EXOC6: variants seen among roughly 807,000 people sequenced by gnomAD.
The protein encoded by EXOC6 is SEC15-like 1.
EXOC6 carries 60 observed loss-of-function variants against 112.5 expected under a neutral mutation model. The ratio of observed to expected loss-of-function variants is 0.53; its 90% CI spans 0.43 to 0.66. The LOEUF (loss-of-function observed/expected upper bound fraction) is 0.66, where lower values mean the gene tolerates loss of function less well. EXOC6 is among the 30% of genes least tolerant of loss of function. The pLI, the probability that EXOC6 is intolerant of heterozygous loss-of-function variation, is 0.00. For synonymous variants in EXOC6, 295 were observed against 308.0 expected (o/e 0.96, Z 0.44); for missense variants, 855 against 957.1 (o/e 0.89, Z 1.41).
At chr10:92,865,409 G>A (rs1320073313) in intron 1 of EXOC6, among the ~76,000 whole-genome samples, 3 of 151,996 alleles carry the variant, frequency 2.0e-5, no homozygotes, top group South Asian at 2.1e-4. Flanking sequence ...GGTGGCGTGC[G>A]CCTGTAATCC....
At chr10:93,056,369 A>C (rs1192690808) in intron 20 of EXOC6, among the ~76,000 whole-genome samples, 3 of 152,202 alleles carry the variant, frequency 2.0e-5, no homozygotes, top group Admixed American at 2.0e-4. Context: ...TCATTTCATA[A>C]TACTACAGAG....
chr10:92,878,253 C>CCT (rs1848773951), intron 1 of EXOC6: 1 of 152,184 alleles, frequency 6.6e-6, no homozygotes, highest in Admixed American at 6.6e-5. Flanking sequence ...TTTTCCTTAT[C>CCT]CTCTTCATTG....
chr10:93,033,835 T>G lies in EXOC6; in HGVS notation c.2169+19568T>G, dbSNP rs1211101496. Among the ~76,000 whole-genome samples the G allele has an allele frequency of 3.9e-5, 6 of 152,206 alleles. No individual in the cohort carries two copies. The South Asian group carries it at 6.2e-4, about 16-fold the overall frequency. On this transcript the variant is annotated intron_variant, in intron 20 of 21. Transcript: ENST00000260762. ...AATAAGAGCCAGACTATTGGAGAGA[T>G]AAGTTAGTTGGCAGTAATGAGATAA...
intron 20 of EXOC6, among the ~76,000 whole-genome samples, chr10:93,030,998 TG>T (rs1362070846): frequency 1.3e-5 from 2 of 152,192 alleles, no homozygotes; most frequent in Non-Finnish European, 2.9e-5. Context: ...AAAAATAGGA[TG>T]AAAAAATGCT....
At chr10:92,885,378 A>G (rs796387425) in intron 1 of EXOC6, among the ~76,000 whole-genome samples, 19 of 149,622 alleles carry the variant, frequency 1.3e-4, no homozygotes, top group African/African-American at 4.6e-4. Flanking sequence ...GGTTAAAGTC[A>G]GCTCTTTTTT....
chr10:92,886,426 C>G (rs1457974138), intron 1 of EXOC6, among the ~76,000 whole-genome samples: 5 of 152,172 alleles, frequency 3.3e-5, no homozygotes, highest in Non-Finnish European at 5.9e-5. Context: ...TTGATTTCAC[C>G]TGATGGGTGC....
At chr10:92,918,664 T>G (rs1851254196) in intron 7 of EXOC6, among the ~76,000 whole-genome samples, 1 of 152,146 alleles carries the variant, frequency 6.6e-6, no homozygotes, top group Non-Finnish European at 1.5e-5. Context: ...CTTCAAGTGG[T>G]CCTTCTGCTT....
At chr10:92,839,543 T>C (rs1192506850) in intron 1 of EXOC6, among the ~76,000 whole-genome samples, 1 of 152,166 alleles carries the variant, frequency 6.6e-6, no homozygotes, top group Admixed American at 6.5e-5. Context: ...GTAGTAGCAG[T>C]GTTCATAACA....
intron 1 of EXOC6, among the ~76,000 whole-genome samples, chr10:92,860,293 A>G (rs1392643862): frequency 1.7e-5 from 2 of 117,764 alleles, no homozygotes; most frequent in African/African-American, 3.0e-5. Flanking sequence ...TTTTTTTGAG[A>G]CAGAGTCTTG....
chr10:93,045,030 GC>G (rs75791842), intron 20 of EXOC6, among the ~76,000 whole-genome samples: 53,122 of 149,334 alleles, frequency 0.36, 10,571 homozygotes, highest in East Asian at 0.78. Flanking sequence ...CCGCCACCAC[GC>G]CCGGCTAATT....
chr10:92,944,694 C>T (rs914707857), intron 13 of EXOC6, among the ~76,000 whole-genome samples: 1 of 152,086 alleles, frequency 6.6e-6, no homozygotes, highest in Non-Finnish European at 1.5e-5. Context: ...GGTTCCCTTT[C>T]TCCACATCCT....
At chr10:93,024,997 G>T (rs140172955) in intron 20 of EXOC6, among the ~76,000 whole-genome samples, 66 of 152,240 alleles carry the variant, frequency 4.3e-4, no homozygotes, top group African/African-American at 1.5e-3. Flanking sequence ...CAAATTGTAT[G>T]TGTAGATTAT....
chr10:93,027,778 C>T (rs539950424), intron 20 of EXOC6, among the ~76,000 whole-genome samples: 1 of 152,238 alleles, frequency 6.6e-6, no homozygotes, highest in Non-Finnish European at 1.5e-5. Context: ...TGGACTTCAT[C>T]ACTCAAGAAC....
At chr10:92,895,168 A>G (rs1465195496) in intron 4 of EXOC6, 148 bp downstream of exon 4, 3 of 622,384 alleles carry the variant, frequency 4.8e-6, no homozygotes, top group African/African-American at 3.7e-5. Context: ...GGTTCATTTT[A>G]TTCCCTGAAT....
At chr10:92,893,952 T>C (rs2133814829) in intron 2 of EXOC6, among the ~76,000 whole-genome samples, 1 of 152,332 alleles carries the variant, frequency 6.6e-6, no homozygotes, top group South Asian at 2.1e-4. Flanking sequence ...TGTGTATTTT[T>C]CTTAAAGAAA....
At chr10:93,056,551 C>A (rs1846545757) in intron 20 of EXOC6, among the ~76,000 whole-genome samples, 1 of 152,140 alleles carries the variant, frequency 6.6e-6, no homozygotes, top group East Asian at 1.9e-4. Flanking sequence ...CTTTAAAATT[C>A]TTCATACAGG....
chr10:93,055,736 C>G (rs752925892), intron 20 of EXOC6, among the ~76,000 whole-genome samples: 2 of 151,876 alleles, frequency 1.3e-5, no homozygotes, highest in Non-Finnish European at 2.9e-5. Context: ...GTATCTTGTC[C>G]GAAAGAAAAT....
intron 1 of EXOC6, among the ~76,000 whole-genome samples, chr10:92,865,002 A>G (rs1987017): frequency 0.26 from 38,996 of 152,158 alleles, 6,385 homozygotes; most frequent in East Asian, 0.74. Flanking sequence ...GTTAACATGC[A>G]TTGCATTCAT....
chr10:92,856,401 A>G (rs1847604092), intron 1 of EXOC6, among the ~76,000 whole-genome samples: 1 of 151,932 alleles, frequency 6.6e-6, no homozygotes, highest in Non-Finnish European at 1.5e-5. Context: ...GTGTGTTTTC[A>G]TTTACCTTTC....
Sources: gnomAD v4.1 joint callset for allele counts (sites outside exome capture counted in the v4.1 genomes callset) on GRCh38, gnomAD v4.1.1 for gene constraint, MANE v1.5 for transcripts, NCBI Gene and HGNC (gene_info 2026-07-23, HGNC 2026-07-21) for gene names.